FER: variants seen among roughly 807,000 people sequenced by gnomAD.
FER encodes FER tyrosine kinase.
FER carries 63 observed loss-of-function variants against 111.0 expected under a neutral mutation model. That is an observed-to-expected ratio of 0.57 (90% CI 0.46 to 0.70). The LOEUF is 0.70. Ranked by LOEUF, FER falls within the 30% of genes least tolerant of loss-of-function variation. The pLI, the probability that FER is intolerant of heterozygous loss-of-function variation, is 0.00. For missense variants in FER, 914 were observed against 954.0 expected (o/e 0.96, Z 0.55); for synonymous variants, 327 against 313.9 (o/e 1.04, Z -0.44).
chr5:108,868,392 AG>A (rs1271922495), intron 6 of FER, among the ~76,000 whole-genome samples: 2 of 152,066 alleles, frequency 1.3e-5, no homozygotes, highest in African/African-American at 4.8e-5. Flanking sequence ...ACGTATGCAA[AG>A]CACATTATCT....
chr5:109,067,267 T>TTGTTGTTGC (rs1202825866), intron 16 of FER, among the ~76,000 whole-genome samples: 16 of 150,546 alleles, frequency 1.1e-4, no homozygotes, highest in South Asian at 2.1e-4. Flanking sequence ...GTTGTTGCTG[T>TTGTTGTTGC]TGCTGCTGCT....
intron 1 of FER, among the ~76,000 whole-genome samples, chr5:108,758,189 A>G (rs1561373489): frequency 2.0e-5 from 3 of 152,208 alleles, no homozygotes; most frequent in African/African-American, 7.2e-5. Context: ...AGATGTTACT[A>G]GAATACACAC....
At chr5:108,782,194 G>T (rs1445158652) in intron 2 of FER, among the ~76,000 whole-genome samples, 2 of 152,028 alleles carry the variant, frequency 1.3e-5, no homozygotes, top group African/African-American at 4.8e-5. Flanking sequence ...TTTGCCGTGT[G>T]ACTTCATTTC....
intron 1 of FER, among the ~76,000 whole-genome samples, chr5:108,752,717 G>T (rs1418810758): frequency 6.6e-6 from 1 of 151,898 alleles, no homozygotes; most frequent in Admixed American, 6.6e-5. Context: ...TCAAGAAATA[G>T]TTCAGATTTC....
At chr5:108,817,421 G>C (rs1372256871) in intron 3 of FER, among the ~76,000 whole-genome samples, 1 of 152,098 alleles carries the variant, frequency 6.6e-6, no homozygotes. Context: ...TTTATTTTGA[G>C]TTATTGTGTA....
intron 14 of FER, among the ~76,000 whole-genome samples, chr5:109,039,206 G>T (rs1195354992): frequency 2.1e-5 from 3 of 146,112 alleles, no homozygotes; most frequent in East Asian, 1.9e-4. Context: ...TGGCAGGAAC[G>T]CTGAGGGTTT....
chr5:109,000,503 A>G (rs1336023624), intron 13 of FER, among the ~76,000 whole-genome samples: 1 of 152,144 alleles, frequency 6.6e-6, no homozygotes, highest in Non-Finnish European at 1.5e-5. Context: ...CATTCAAAGC[A>G]GGGTGTAGAG....
At chr5:109,136,667 A>G (rs1473744297) in intron 17 of FER, among the ~76,000 whole-genome samples, 1 of 152,164 alleles carries the variant, frequency 6.6e-6, no homozygotes, top group African/African-American at 2.4e-5. Flanking sequence ...ATTAAAGAAC[A>G]TAGATTTAGT....
At chr5:108,988,868 G>A (rs745458524) in intron 13 of FER, among the ~76,000 whole-genome samples, 11 of 151,944 alleles carry the variant, frequency 7.2e-5, no homozygotes, top group African/African-American at 2.2e-4. Flanking sequence ...GTTTCTTTAG[G>A]TGTGACCTTA....
chr5:109,059,678 C>T (rs571436099), intron 16 of FER, among the ~76,000 whole-genome samples: 19 of 152,170 alleles, frequency 1.2e-4, no homozygotes, highest in African/African-American at 4.1e-4. Context: ...GAGTGGAGCT[C>T]TAATAAGTGG....
Position 109,107,480 on chromosome 5 carries a change from C to T in FER, c.2048+6961C>T, listed in dbSNP as rs2150080692. Among the ~76,000 whole-genome samples, 3 of 152,190 alleles carry T rather than the reference C, an allele frequency of 2.0e-5. 1 individual carries two copies. Among genetic ancestry groups the T allele is most frequent in the Admixed American group, 2.0e-4 (3 of 15,268 alleles). ...TTTCTTTTTCTGCTCCTCTCCCTCCCTCCACCCTCTACCCTCAAGTAGACC... is the reference window on the plus strand; with the variant it reads ...TTTCTTTTTCTGCTCCTCTCCCTCCTTCCACCCTCTACCCTCAAGTAGACC... On this transcript the variant is annotated intron_variant, in intron 17 of 19. Coordinates refer to ENST00000281092, the MANE Select transcript of FER (RefSeq NM_005246.4).
chr5:109,025,108 G>A (rs1334797577), intron 13 of FER, among the ~76,000 whole-genome samples: 2 of 151,858 alleles, frequency 1.3e-5, no homozygotes, highest in Admixed American at 6.6e-5. Flanking sequence ...TGTGGGCTCT[G>A]TTTTGGTTCC....
At chr5:108,912,850 A>T (rs910155733) in intron 10 of FER, among the ~76,000 whole-genome samples, 2 of 152,186 alleles carry the variant, frequency 1.3e-5, no homozygotes, top group Non-Finnish European at 2.9e-5. Flanking sequence ...AGTAGCTATC[A>T]AGTGTGGTCT....
At chr5:109,129,737 A>G (rs909559966) in intron 17 of FER, among the ~76,000 whole-genome samples, 3 of 152,104 alleles carry the variant, frequency 2.0e-5, no homozygotes, top group African/African-American at 7.2e-5. Context: ...GTTTTCGTAT[A>G]GGAATTATTG....
rs192918311 is a variant in FER at position 109,092,177 on chromosome 5, A to T, written c.1925-8219A>T. 1.1e-3 allele frequency among the ~76,000 whole-genome samples: 173 copies of T among 151,654 alleles called. 1 individual carries two copies. The highest frequency in any genetic ancestry group is 4.1e-3 in the African/African-American group (168 of 41,402). On this transcript the variant is annotated intron_variant, in intron 16 of 19. Coordinates refer to ENST00000281092, the MANE Select transcript of FER (RefSeq NM_005246.4). The stretch of plus-strand genomic sequence containing the variant: ...AAGTATAAAACTGCTAGAAGAAAAC[A>T]TGGATATTTGATTGGACAATGATAT...
chr5:108,857,337 A>G (rs1763100294), intron 5 of FER, among the ~76,000 whole-genome samples: 1 of 151,996 alleles, frequency 6.6e-6, no homozygotes. Context: ...TTTTCTGCAT[A>G]ATATTTATTT....
At chr5:108,819,179 CTT>C (rs775764459) in intron 3 of FER, among the ~76,000 whole-genome samples, 17 of 127,168 alleles carry the variant, frequency 1.3e-4, no homozygotes, top group Non-Finnish European at 1.3e-4. Context: ...CCATGCTCAG[CTT>C]TTTTTTTTTT....
chr5:108,993,653 G>A (rs1284998525), intron 13 of FER, among the ~76,000 whole-genome samples: 7 of 118,302 alleles, frequency 5.9e-5, no homozygotes, highest in Admixed American at 2.5e-4. Flanking sequence ...GGGCGAGGGC[G>A]AGGGCGAGGG....
At chr5:109,090,564 A>C (rs1013426670) in intron 16 of FER, among the ~76,000 whole-genome samples, 6 of 152,186 alleles carry the variant, frequency 3.9e-5, no homozygotes, top group Non-Finnish European at 5.9e-5. Context: ...AGTGCTTTGC[A>C]TGGGAACACA....
Sources: allele counts gnomAD v4.1 joint callset (sites outside exome capture counted in the v4.1 genomes callset), GRCh38; gene constraint gnomAD v4.1.1; transcripts MANE v1.5; gene names NCBI Gene and HGNC (gene_info 2026-07-23, HGNC 2026-07-21).